The following IMMP2L variants were observed in gnomAD, a reference collection of about 807,000 sequenced individuals.
IMMP2L encodes the protein inner mitochondrial membrane peptidase subunit 2, also known as mitochondrial inner membrane protease subunit 2.
In IMMP2L, 18 loss-of-function variants were observed where a neutral mutation model predicts 19.3. The ratio of observed to expected loss-of-function variants is 0.93; its 90% confidence interval spans 0.64 to 1.38. The LOEUF (loss-of-function observed/expected upper bound fraction) is 1.38, where lower values mean the gene tolerates loss of function less well. Among genes scored for constraint, IMMP2L ranks in the 40% most tolerant of loss-of-function variants. The probability of loss-of-function intolerance (pLI) is 0.00; values close to 1 mark genes in which losing one functional copy is unlikely to be tolerated. For missense variants in IMMP2L, 233 were observed against 218.2 expected, an observed-to-expected ratio of 1.07 and a Z score of -0.43; for synonymous variants, 76 against 73.0, an observed-to-expected ratio of 1.04 and a Z score of -0.21.
chr7:111,374,600 A>C (rs1413794090), intron 3 of IMMP2L, among the ~76,000 whole-genome samples: 1 of 152,144 alleles, frequency 6.6e-6, no homozygotes, highest in Admixed American at 6.6e-5. Flanking sequence ...TTCACAGTAT[A>C]AAGGGGAAAA....
intron 3 of IMMP2L, among the ~76,000 whole-genome samples, chr7:111,136,062 TCTGTTGCCCAGG>T (rs1268118339): frequency 6.6e-6 from 1 of 151,736 alleles, no homozygotes; most frequent in Non-Finnish European, 1.5e-5. Flanking sequence ...GGAGTCTTGC[TCTGTTGCCCAGG>T]CTGGAGTGCA....
At chr7:111,522,345 GCAAA>G (rs1367022841) in intron 1 of IMMP2L, among the ~76,000 whole-genome samples, 3 of 151,968 alleles carry the variant, frequency 2.0e-5, no homozygotes, top group African/African-American at 7.2e-5. Context: ...TTTCTGTGCA[GCAAA>G]CAATCAACGT....
Position 111,123,793 on chromosome 7 carries a change from C to T in IMMP2L, c.240-160228G>A. On this transcript the variant is annotated intron_variant, in intron 3 of 5. Coordinates refer to ENST00000405709, the MANE Select transcript of IMMP2L (RefSeq NM_032549.4). This position sits in a 1 kb window ranked among gnomAD's most constrained non-coding sequence, Gnocchi z 6.4. ...ACTCCCCAAGCTGGAATCACTCATG[C>T]TGAACAGCAATGCTCTCAGTGCCCT... The T allele has an allele frequency of 1.2e-6, 2 of 1,614,062 alleles. No individual in the cohort carries two copies. Among genetic ancestry groups the T allele is most frequent in the Non-Finnish European group, 1.7e-6 (2 of 1,179,982 alleles).
chr7:111,123,304 A>T lies in IMMP2L; in HGVS notation c.240-159739T>A. On this transcript the variant is annotated intron_variant, in intron 3 of 5. Coordinates refer to ENST00000405709, the MANE Select transcript of IMMP2L (RefSeq NM_032549.4). The surrounding 1 kb of genome is among the most constrained non-coding windows in gnomAD (Gnocchi z 6.4). ...TCATCTCAATTCAAATAGATTGCAG[A>T]TGATCAACAGTAAGTGGTTTGATGC... 6.2e-7 allele frequency: 1 copy of T among 1,613,874 alleles called. No individual in the cohort carries two copies. The highest frequency in any genetic ancestry group is 8.5e-7 in the Non-Finnish European group (1 of 1,179,952).
chr7:111,282,412 G>C (rs551268694), intron 3 of IMMP2L, among the ~76,000 whole-genome samples: 82 of 152,272 alleles, frequency 5.4e-4, no homozygotes, highest in African/African-American at 1.9e-3. Flanking sequence ...CAGAAATAAA[G>C]AGGGAACTTT....
intron 3 of IMMP2L, among the ~76,000 whole-genome samples, chr7:111,389,665 A>C (rs147530367): frequency 6.6e-6 from 1 of 152,136 alleles, no homozygotes; most frequent in Non-Finnish European, 1.5e-5. Context: ...AGTGAAAATC[A>C]TATCAGTTCT....
At chr7:111,318,180 G>A (rs111584489) in intron 3 of IMMP2L, among the ~76,000 whole-genome samples, 2,383 of 152,228 alleles carry the variant, frequency 0.016, 60 homozygotes, top group African/African-American at 0.053. Flanking sequence ...AAGAGTGAAG[G>A]AGGGCCACGG....
intron 3 of IMMP2L, among the ~76,000 whole-genome samples, chr7:111,437,726 T>C (rs1837323677): frequency 6.6e-6 from 1 of 152,076 alleles, no homozygotes; most frequent in Non-Finnish European, 1.5e-5. Flanking sequence ...ATCTTATTTA[T>C]TGATTATCTG....
At chr7:111,305,657 A>G (rs922851895) in intron 3 of IMMP2L, among the ~76,000 whole-genome samples, 1 of 152,206 alleles carries the variant, frequency 6.6e-6, no homozygotes, top group African/African-American at 2.4e-5. Context: ...TATATCAGTA[A>G]TACCAGATAA....
chr7:111,198,089 A>G (rs1586789008), intron 3 of IMMP2L, among the ~76,000 whole-genome samples: 2 of 152,196 alleles, frequency 1.3e-5, no homozygotes, highest in East Asian at 3.9e-4. Context: ...AGGATTCCAA[A>G]GATGGCATTT....
At chr7:111,106,493 T>C (rs546694032) in intron 3 of IMMP2L, among the ~76,000 whole-genome samples, 40 of 151,894 alleles carry the variant, frequency 2.6e-4, no homozygotes, top group African/African-American at 9.4e-4. Flanking sequence ...AAAACAGATA[T>C]GTCTTCTACC....
At chr7:110,704,267 A>C (rs2130662569) in intron 5 of IMMP2L, among the ~76,000 whole-genome samples, 1 of 152,338 alleles carries the variant, frequency 6.6e-6, no homozygotes, top group Non-Finnish European at 1.5e-5. Context: ...TGTGAATAAC[A>C]ACCTCCAGAT....
chr7:111,435,622 C>T (rs535519991), intron 3 of IMMP2L, among the ~76,000 whole-genome samples: 1 of 151,980 alleles, frequency 6.6e-6, no homozygotes, highest in African/African-American at 2.4e-5. Flanking sequence ...CAAGACTACA[C>T]CACTATGTAA....
At chr7:111,333,480 A>G (rs1249456747) in intron 3 of IMMP2L, among the ~76,000 whole-genome samples, 1 of 152,070 alleles carries the variant, frequency 6.6e-6, no homozygotes, top group Non-Finnish European at 1.5e-5. Context: ...CTATGATTTC[A>G]GGAAATGTAT....
chr7:111,470,063 A>G (rs1180282795), intron 3 of IMMP2L, among the ~76,000 whole-genome samples: 1 of 152,222 alleles, frequency 6.6e-6, no homozygotes, highest in African/African-American at 2.4e-5. Context: ...AAGTGGGTGA[A>G]GGACATGAAC....
At chr7:111,206,269 A>C (rs1810697413) in intron 3 of IMMP2L, among the ~76,000 whole-genome samples, 1 of 152,068 alleles carries the variant, frequency 6.6e-6, no homozygotes, top group African/African-American at 2.4e-5. Context: ...CTCTCCATCC[A>C]CCCAGAGGAA....
intron 3 of IMMP2L, among the ~76,000 whole-genome samples, chr7:111,337,147 T>C (rs2130743677): frequency 6.6e-6 from 1 of 152,206 alleles, no homozygotes; most frequent in Non-Finnish European, 1.5e-5. Context: ...AAAAAATCTA[T>C]CTAATGCAAC....
chr7:110,922,528 C>A (rs1253456675), intron 4 of IMMP2L, among the ~76,000 whole-genome samples: 1 of 152,090 alleles, frequency 6.6e-6, no homozygotes, highest in East Asian at 1.9e-4. Flanking sequence ...TCTAAATCCA[C>A]TTGACATAAT....
intron 3 of IMMP2L, among the ~76,000 whole-genome samples, chr7:111,075,670 C>T (rs1795340296): frequency 6.6e-6 from 1 of 152,046 alleles, no homozygotes; most frequent in South Asian, 2.1e-4. Context: ...ATCTTTATTT[C>T]ACATTAGATA....
Sources: allele counts gnomAD v4.1 joint callset (sites outside exome capture counted in the v4.1 genomes callset), GRCh38; gene constraint gnomAD v4.1.1; non-coding constraint Gnocchi (gnomAD v3.1); transcripts MANE v1.5; gene names NCBI Gene and HGNC (gene_info 2026-07-23, HGNC 2026-07-21).